RPTOR: variants seen among roughly 807,000 people sequenced by gnomAD.
The protein encoded by RPTOR is regulatory associated protein of MTOR complex 1, also known as regulatory-associated protein of mTOR.
Under a neutral mutation model 169.9 loss-of-function variants are expected in RPTOR, and 21 were observed. The observed-to-expected ratio is 0.12, with a 90% CI of 0.09 to 0.18. The LOEUF (loss-of-function observed/expected upper bound fraction) is 0.18. Ranked by LOEUF, RPTOR falls within the 10% of genes least tolerant of loss-of-function variation. The probability of loss-of-function intolerance (pLI) is 1.00; values close to 1 mark genes in which losing one functional copy is unlikely to be tolerated. For missense variants in RPTOR, 1,133 were observed against 1,855.9 expected, an observed-to-expected ratio of 0.61 and a Z score of 7.16; for synonymous variants, 732 against 753.2, an observed-to-expected ratio of 0.97 and a Z score of 0.46.
rs554149122 is a variant in RPTOR, at chr17:80,639,853, A to G, written c.266-3875A>G. Among the ~76,000 whole-genome samples the G allele has an allele frequency of 2.0e-5, 3 of 152,340 alleles. No individual in the cohort carries two copies. In the South Asian group the frequency reaches 6.2e-4, roughly 32 times the overall value. Reference sequence around the variant, plus strand: ...TAGGATGGGTAATCAAACTGGGTACATAGGAAGAAGATGGAGAGGTTTAAA... The same window carrying G: ...TAGGATGGGTAATCAAACTGGGTACGTAGGAAGAAGATGGAGAGGTTTAAA... On this transcript the variant is annotated intron_variant, in intron 2 of 33. Transcript: ENST00000306801.
chr17:80,547,940 CTCTT>C (rs541759468), intron 1 of RPTOR, among the ~76,000 whole-genome samples: 273 of 152,230 alleles, frequency 1.8e-3, no homozygotes, highest in Middle Eastern at 0.014. Context: ...CCAGGCCTCT[CTCTT>C]TGTCTTTGAG....
chr17:80,818,543 G>T (rs1251711322), intron 7 of RPTOR, among the ~76,000 whole-genome samples: 1 of 152,190 alleles, frequency 6.6e-6, no homozygotes, highest in African/African-American at 2.4e-5. Flanking sequence ...TTAATTTTAT[G>T]TGACGTGAAA....
chr17:80,666,711 G>A (rs992914644), intron 3 of RPTOR, among the ~76,000 whole-genome samples: 7 of 152,154 alleles, frequency 4.6e-5, no homozygotes, highest in African/African-American at 1.7e-4. Flanking sequence ...TGTGAGCAGC[G>A]CCCAACATTG....
intron 6 of RPTOR, among the ~76,000 whole-genome samples, chr17:80,780,563 T>C (rs552106472): frequency 6.6e-6 from 1 of 152,324 alleles, no homozygotes; most frequent in African/African-American, 2.4e-5. Context: ...TCGGCAGGGC[T>C]GCTGTAGGCG....
At chr17:80,586,089 C>CCGCT (rs1271087765) in intron 1 of RPTOR, among the ~76,000 whole-genome samples, 1 of 152,104 alleles carries the variant, frequency 6.6e-6, no homozygotes, top group African/African-American at 2.4e-5. Context: ...GATGGAGGGG[C>CCGCT]CGCTAGGCAG....
rs1180916760 is a variant in RPTOR at position 80,936,598 on chromosome 17, CTG to C, written c.2920-3896_2920-3895del. On this transcript the variant is annotated intron_variant, in intron 24 of 33. Transcript: ENST00000306801. The surrounding 1 kb of genome is among the most constrained non-coding windows in gnomAD (Gnocchi z 4.1). ...TAAATGGAAGAAGCTGCTCAAAAGA[CTG>C]TATCCTGTATGATCCATGTATACAA... Among the ~76,000 whole-genome samples the C allele has an allele frequency of 6.6e-6, 1 of 152,224 alleles. No homozygotes were observed. Among genetic ancestry groups the C allele is most frequent in the Admixed American group, 6.5e-5 (1 of 15,280 alleles).
intron 1 of RPTOR, among the ~76,000 whole-genome samples, chr17:80,585,353 C>T (rs369043084): frequency 1.3e-5 from 2 of 151,870 alleles, no homozygotes; most frequent in African/African-American, 2.4e-5. Flanking sequence ...TATAGGCACG[C>T]GCCACCTCGC....
At chr17:80,945,317 G>T (rs2069086953) in intron 25 of RPTOR, among the ~76,000 whole-genome samples, 1 of 151,638 alleles carries the variant, frequency 6.6e-6, no homozygotes, top group Non-Finnish European at 1.5e-5. Context: ...AAGGGGCCCG[G>T]CGCGGTGGCT....
rs146733200 is a variant in RPTOR at position 80,779,494 on chromosome 17, C to T, written c.831-11956C>T. On this transcript the variant is annotated intron_variant, in intron 6 of 33. Coordinates refer to ENST00000306801, the MANE Select transcript of RPTOR (RefSeq NM_020761.3). ...CTGCCGTGCCTACGTGCACTGACGT[C>T]GTCACAGGTGGGGGATAAGATTCCG... Among the ~76,000 whole-genome samples the T allele has an allele frequency of 2.4e-3, 370 of 152,316 alleles. 6 individuals carry two copies. Among genetic ancestry groups the T allele is most frequent in the African/African-American group, 8.4e-3 (351 of 41,584 alleles).
chr17:80,792,860 T>C (rs1467312957), intron 7 of RPTOR, among the ~76,000 whole-genome samples: 2 of 152,108 alleles, frequency 1.3e-5, no homozygotes, highest in Non-Finnish European at 2.9e-5. Context: ...GAGCTCTCTA[T>C]TACCTGTAAC....
chr17:80,866,181 AAT>A (rs2067988386), intron 13 of RPTOR, among the ~76,000 whole-genome samples: 1 of 149,010 alleles, frequency 6.7e-6, no homozygotes, highest in Non-Finnish European at 1.5e-5. Flanking sequence ...ATGTATATAT[AAT>A]ATATAATATA....
intron 3 of RPTOR, among the ~76,000 whole-genome samples, chr17:80,650,445 C>T (rs567378974): frequency 2.0e-5 from 3 of 152,324 alleles, no homozygotes; most frequent in African/African-American, 7.2e-5. Flanking sequence ...GGCGGGAGCG[C>T]CCCTCTCACT....
Position 80,964,921 on chromosome 17 carries a change from G to A in RPTOR, c.*591G>A, listed in dbSNP as rs1049937020. On this transcript the variant is annotated 3_prime_UTR_variant, in exon 34 of 34. Transcript: ENST00000306801. ...GGAGACGCCCCTCCAACTGGCGGGT[G>A]TGAAGGAAGCCGCCCAGGGGTCCGG... 4 of 233,780 alleles carry A rather than the reference G, an allele frequency of 1.7e-5. No homozygotes were observed. The highest frequency in any genetic ancestry group is 3.4e-5 in the Non-Finnish European group (4 of 118,478). 14.5% of individuals were successfully genotyped at this position (233,780 alleles called of 1,614,324 possible). A position where few individuals can be genotyped will look rare whatever the true frequency, so the allele number is the denominator to read the frequency against.
At chr17:80,705,194 C>A (rs2066133434) in intron 3 of RPTOR, among the ~76,000 whole-genome samples, 1 of 152,394 alleles carries the variant, frequency 6.6e-6, no homozygotes, top group South Asian at 2.1e-4. Flanking sequence ...TGAAAATGGA[C>A]TTGAAGATCC....
At chr17:80,801,574 T>C (rs1350082008) in intron 7 of RPTOR, 1 of 152,190 alleles carries the variant, frequency 6.6e-6, no homozygotes, top group Non-Finnish European at 1.5e-5. Context: ...TAGAATTCAC[T>C]TCATCGAGGG....
intron 1 of RPTOR, among the ~76,000 whole-genome samples, chr17:80,619,982 G>A (rs539453577): frequency 2.6e-4 from 40 of 152,310 alleles, no homozygotes; most frequent in African/African-American, 8.2e-4. Context: ...ATCCTTAGGC[G>A]TGTGCTCCAG....
chr17:80,579,443 C>T (rs1199275529), intron 1 of RPTOR, among the ~76,000 whole-genome samples: 3 of 152,206 alleles, frequency 2.0e-5, no homozygotes, highest in Non-Finnish European at 4.4e-5. Flanking sequence ...CCGCCTGCCT[C>T]AGCCTCCCAA....
At chr17:80,679,016 C>T (rs181488460) in intron 3 of RPTOR, among the ~76,000 whole-genome samples, 66 of 152,328 alleles carry the variant, frequency 4.3e-4, no homozygotes, top group Non-Finnish European at 2.1e-4. Context: ...AAGAAGTGGC[C>T]TCTGCTTCTT....
rs1214252134 is a variant in RPTOR, at chr17:80,965,573, T to C, written c.*1243T>C. ...GTCGGGAATCAGGATTATTGAGAGG[T>C]GAAGGAGCCAGGTGGCTTCATTCTG... On this transcript the variant is annotated 3_prime_UTR_variant, in exon 34 of 34. Transcript: ENST00000306801. 8.6e-6 allele frequency: 2 copies of C among 233,216 alleles called. No homozygotes were observed. The highest frequency in any genetic ancestry group is 1.7e-5 in the Non-Finnish European group (2 of 118,066). The allele number at this position is 233,216 out of a possible 1,614,324, so 14.4% of individuals were successfully genotyped here.
Sources: gnomAD v4.1 joint callset for allele counts (sites outside exome capture counted in the v4.1 genomes callset) on GRCh38, gnomAD v4.1.1 for gene constraint, Gnocchi (gnomAD v3.1) non-coding constraint, MANE v1.5 for transcripts, NCBI Gene and HGNC (gene_info 2026-07-23, HGNC 2026-07-21) for gene names.